The following PDZRN3 variants were observed in gnomAD, a reference collection of about 807,000 sequenced individuals.
PDZRN3 encodes the protein E3 ubiquitin-protein ligase PDZRN3.
Under a neutral mutation model 85.7 loss-of-function variants are expected in PDZRN3, and 38 were observed. That is an observed-to-expected ratio of 0.44 (90% confidence interval 0.34 to 0.58). The LOEUF (loss-of-function observed/expected upper bound fraction) is 0.58, where lower values mean the gene tolerates loss of function less well. Ranked by LOEUF, PDZRN3 falls within the 20% of genes least tolerant of loss-of-function variation. PDZRN3 has a pLI of 0.01. For missense variants in PDZRN3, 1,629 were observed against 1,506.4 expected (o/e 1.08, Z -1.35); for synonymous variants, 759 against 638.0 (o/e 1.19, Z -2.86).
intron 3 of PDZRN3, among the ~76,000 whole-genome samples, chr3:73,502,914 C>CTT (rs1267284339): frequency 6.6e-6 from 1 of 152,178 alleles, no homozygotes; most frequent in Non-Finnish European, 1.5e-5. Context: ...ACACAAAATA[C>CTT]TTTCTACAAG....
chr3:73,544,217 A>G (rs935442929), intron 3 of PDZRN3, among the ~76,000 whole-genome samples: 1 of 152,204 alleles, frequency 6.6e-6, no homozygotes, highest in Non-Finnish European at 1.5e-5. Flanking sequence ...AAAACAAAGG[A>G]ACTAGTTAAA....
At chr3:73,468,766 G>A (rs902380838) in intron 3 of PDZRN3, among the ~76,000 whole-genome samples, 1 of 152,066 alleles carries the variant, frequency 6.6e-6, no homozygotes, top group Non-Finnish European at 1.5e-5. Flanking sequence ...GAGGTTAAGC[G>A]GGAGATCTGG....
At chr3:73,407,867 G>C (rs531128597) in intron 3 of PDZRN3, among the ~76,000 whole-genome samples, 1 of 152,300 alleles carries the variant, frequency 6.6e-6, no homozygotes, top group South Asian at 2.1e-4. Context: ...AATCTGTCCA[G>C]CTTTGGGTAC....
intron 3 of PDZRN3, among the ~76,000 whole-genome samples, chr3:73,455,552 A>G (rs1702960920): frequency 6.6e-6 from 1 of 152,238 alleles, no homozygotes; most frequent in Non-Finnish European, 1.5e-5. Flanking sequence ...AGAGACTCTC[A>G]GCAGCAAGGC....
chr3:73,517,614 G>GA (rs1422669229), intron 3 of PDZRN3, among the ~76,000 whole-genome samples: 2 of 152,182 alleles, frequency 1.3e-5, no homozygotes, highest in African/African-American at 4.8e-5. Context: ...GATATTTGTA[G>GA]AATCTATAGC....
At chr3:73,397,034 C>CT (rs1421076142) in intron 5 of PDZRN3, among the ~76,000 whole-genome samples, 13 of 139,254 alleles carry the variant, frequency 9.3e-5, no homozygotes, top group African/African-American at 3.3e-4. Flanking sequence ...TCTTCTTTTT[C>CT]TTTCTTTTTT....
chr3:73,580,673 T>C (rs970776900), intron 3 of PDZRN3, among the ~76,000 whole-genome samples: 1 of 152,248 alleles, frequency 6.6e-6, no homozygotes, highest in Non-Finnish European at 1.5e-5. Context: ...GAGCCTCTTC[T>C]GTGGCTGGAC....
At chr3:73,520,001 C>A (rs759080033) in intron 3 of PDZRN3, among the ~76,000 whole-genome samples, 1 of 152,054 alleles carries the variant, frequency 6.6e-6, no homozygotes, top group Admixed American at 6.5e-5. Flanking sequence ...TTGGGGGTGG[C>A]GCACTGCAAA....
At chr3:73,544,420 G>A (rs1034771065) in intron 3 of PDZRN3, among the ~76,000 whole-genome samples, 5 of 151,960 alleles carry the variant, frequency 3.3e-5, no homozygotes, top group African/African-American at 1.2e-4. Flanking sequence ...CTTTAAAAGA[G>A]TGGCTTTTCC....
intron 3 of PDZRN3, among the ~76,000 whole-genome samples, chr3:73,443,479 C>CTTTTTTTTTTTT (rs768320565): frequency 2.1e-5 from 1 of 48,152 alleles, no homozygotes; most frequent in African/African-American, 5.1e-5. Context: ...TTTCCTTTTT[C>CTTTTTTTTTTTT]TTTTTTTTTT....
chr3:73,590,872 T>C (rs1210010399), intron 3 of PDZRN3, among the ~76,000 whole-genome samples: 5 of 152,196 alleles, frequency 3.3e-5, no homozygotes, highest in African/African-American at 1.2e-4. Flanking sequence ...ACTTAATCGA[T>C]TCTATTTTAC....
chr3:73,624,149 C>T lies in PDZRN3; in HGVS notation c.677G>A (p.Arg226His). The T allele has an allele frequency of 2.0e-6, 3 of 1,493,578 alleles. No homozygotes were observed. The highest frequency in any genetic ancestry group is 2.5e-5 in the South Asian group (2 of 79,868). The allele number at this position is 1,493,578 out of a possible 1,614,324, so 92.5% of individuals were successfully genotyped here. The change falls in exon 1 of 10, where the codon CGC becomes CAC. Residue 226 changes from arginine (R) to histidine (H), a missense_variant. Coordinates refer to ENST00000263666, the MANE Select transcript of PDZRN3 (RefSeq NM_015009.3). The stretch of plus-strand genomic sequence containing the variant: ...CACGCAGCGGCTGAGCGAGTCGAGG[C>T]GCGCGCTGTATTCGGTGAATTTCTT... ...YQKKFTEYSA[R>H]LDSLSRCVAA... is the part of the protein sequence containing the mutation.
chr3:73,502,625 T>C (rs1215628424), intron 3 of PDZRN3, among the ~76,000 whole-genome samples: 1 of 152,226 alleles, frequency 6.6e-6, no homozygotes, highest in African/African-American at 2.4e-5. Flanking sequence ...GTATGCTATG[T>C]TCTGAGACTG....
At chr3:73,418,955 G>C (rs1186500711) in intron 3 of PDZRN3, among the ~76,000 whole-genome samples, 1 of 152,114 alleles carries the variant, frequency 6.6e-6, no homozygotes, top group African/African-American at 2.4e-5. Context: ...CTTTGTTGTC[G>C]AATTGTTAGA....
At chr3:73,520,299 G>A (rs1287830631) in intron 3 of PDZRN3, among the ~76,000 whole-genome samples, 3 of 152,092 alleles carry the variant, frequency 2.0e-5, no homozygotes, top group Non-Finnish European at 4.4e-5. Flanking sequence ...GATCCCAGAA[G>A]TTCAAGAGGA....
At chr3:73,529,764 TCAAA>T (rs1283006687) in intron 3 of PDZRN3, among the ~76,000 whole-genome samples, 1 of 152,214 alleles carries the variant, frequency 6.6e-6, no homozygotes, top group Non-Finnish European at 1.5e-5. Context: ...ATTAATTCCC[TCAAA>T]CAAACCAAAA....
intron 3 of PDZRN3, among the ~76,000 whole-genome samples, chr3:73,473,906 T>A (rs1703398065): frequency 6.6e-6 from 1 of 152,212 alleles, no homozygotes; most frequent in Non-Finnish European, 1.5e-5. Flanking sequence ...CCTGGGTGTC[T>A]GACATTCAGC....
chr3:73,403,312 G>T (rs760166374), intron 4 of PDZRN3, among the ~76,000 whole-genome samples: 17 of 152,164 alleles, frequency 1.1e-4, no homozygotes, highest in Non-Finnish European at 2.4e-4. Flanking sequence ...ATCACAGAAA[G>T]TGTCTTGCTC....
At chr3:73,433,725 A>G (rs1559677392) in intron 3 of PDZRN3, 1 of 1,536,122 alleles carries the variant, frequency 6.5e-7, no homozygotes, top group East Asian at 2.4e-5. Context: ...AAAACGTCAA[A>G]GGAAGGCTTC....
Sources: gnomAD v4.1 joint callset for allele counts (sites outside exome capture counted in the v4.1 genomes callset) on GRCh38, gnomAD v4.1.1 for gene constraint, MANE v1.5 for transcripts, NCBI Gene and HGNC (gene_info 2026-07-23, HGNC 2026-07-21) for gene names.